FSTL5: variants seen among roughly 807,000 people sequenced by gnomAD.
The protein encoded by FSTL5 is follistatin like 5.
FSTL5 carries 62 observed loss-of-function variants against 89.1 expected under a neutral mutation model. The ratio of observed to expected loss-of-function variants is 0.70; its 90% CI spans 0.57 to 0.86. The LOEUF (loss-of-function observed/expected upper bound fraction) is 0.86. Ranked by LOEUF, FSTL5 falls within the 40% of genes least tolerant of loss-of-function variation. The pLI, the probability that FSTL5 is intolerant of heterozygous loss-of-function variation, is 0.00. For synonymous variants in FSTL5, 383 were observed against 346.2 expected (o/e 1.11, Z -1.18); for missense variants, 1,057 against 1,001.6 (o/e 1.06, Z -0.75).
At chr4:161,686,981 A>G (rs1261360124) in intron 6 of FSTL5, among the ~76,000 whole-genome samples, 1 of 152,276 alleles carries the variant, frequency 6.6e-6, no homozygotes, top group Admixed American at 6.5e-5. Context: ...TCCTGCCGAC[A>G]TTGCGTATTA....
At chr4:161,535,919 A>T (rs1731595138) in intron 10 of FSTL5, among the ~76,000 whole-genome samples, 1 of 152,150 alleles carries the variant, frequency 6.6e-6, no homozygotes, top group African/African-American at 2.4e-5. Flanking sequence ...AAGAAGAATG[A>T]AATCATAGTC....
chr4:162,054,922 T>C (rs1388281337), intron 2 of FSTL5, among the ~76,000 whole-genome samples: 1 of 151,886 alleles, frequency 6.6e-6, no homozygotes, highest in East Asian at 1.9e-4. Flanking sequence ...ACATAAGAAA[T>C]CATTTTTTCC....
intron 15 of FSTL5, among the ~76,000 whole-genome samples, chr4:161,433,638 T>A (rs1732458284): frequency 6.6e-6 from 1 of 152,134 alleles, no homozygotes; most frequent in Non-Finnish European, 1.5e-5. Flanking sequence ...ATGCAGATGA[T>A]ATAATCTTAT....
intron 7 of FSTL5, among the ~76,000 whole-genome samples, chr4:161,651,835 C>A (rs962088430): frequency 4.6e-5 from 7 of 152,122 alleles, no homozygotes; most frequent in Admixed American, 6.6e-5. Context: ...ATGGCTCCTG[C>A]AGTTTGGTGG....
intron 6 of FSTL5, among the ~76,000 whole-genome samples, chr4:161,667,798 C>T (rs529292780): frequency 2.0e-4 from 30 of 151,978 alleles, no homozygotes; most frequent in African/African-American, 6.0e-4. Context: ...TGAATGGGAA[C>T]ATTCTCAACA....
intron 10 of FSTL5, among the ~76,000 whole-genome samples, chr4:161,530,879 A>C (rs1280535307): frequency 6.6e-6 from 1 of 152,114 alleles, no homozygotes; most frequent in Non-Finnish European, 1.5e-5. Context: ...CTGGGAATTG[A>C]CTTCCCTTGG....
At chr4:161,921,578 T>C (rs554059832) in intron 3 of FSTL5, among the ~76,000 whole-genome samples, 74 of 152,240 alleles carry the variant, frequency 4.9e-4, no homozygotes, top group Middle Eastern at 3.4e-3. Context: ...ATGACACTTA[T>C]GTATTGCAAA....
At chr4:161,455,969 G>GT (rs1044265150) in intron 14 of FSTL5, among the ~76,000 whole-genome samples, 3 of 152,170 alleles carry the variant, frequency 2.0e-5, no homozygotes, top group Admixed American at 2.0e-4. Context: ...TTCTCCTTTG[G>GT]TTTTTATGAC....
chr4:161,971,642 A>C (rs1735487105), intron 3 of FSTL5, among the ~76,000 whole-genome samples: 1 of 152,182 alleles, frequency 6.6e-6, no homozygotes, highest in African/African-American at 2.4e-5. Context: ...TTAATTATTT[A>C]AAAACTATAA....
chr4:161,863,939 T>A (rs1050024757), intron 4 of FSTL5, among the ~76,000 whole-genome samples: 2 of 152,156 alleles, frequency 1.3e-5, no homozygotes, highest in Non-Finnish European at 2.9e-5. Context: ...AAAAAAATGG[T>A]GCTTGTTTGT....
intron 10 of FSTL5, among the ~76,000 whole-genome samples, chr4:161,518,852 G>T (rs75202677): frequency 0.011 from 1,690 of 152,248 alleles, 28 homozygotes; most frequent in African/African-American, 0.038. Context: ...GGCTGGGAGG[G>T]TTCTTGCTCA....
chr4:161,931,080 G>A (rs925404090), intron 3 of FSTL5, among the ~76,000 whole-genome samples: 21 of 151,922 alleles, frequency 1.4e-4, no homozygotes, highest in African/African-American at 2.2e-4. Context: ...CAATAGATGC[G>A]TAAAAGGATA....
intron 6 of FSTL5, among the ~76,000 whole-genome samples, chr4:161,704,742 C>T (rs12647746): frequency 6.6e-6 from 1 of 151,856 alleles, no homozygotes; most frequent in Non-Finnish European, 1.5e-5. Flanking sequence ...TTGCTTCACT[C>T]TATTTTCAGA....
chr4:161,387,211 A>G (rs1730677567), intron 15 of FSTL5: 1 of 152,102 alleles, frequency 6.6e-6, no homozygotes, highest in South Asian at 2.1e-4. Context: ...AATAAGTTAA[A>G]CAAGATACAA....
chr4:162,045,507 T>C (rs951307080), intron 2 of FSTL5, among the ~76,000 whole-genome samples: 2 of 152,094 alleles, frequency 1.3e-5, no homozygotes, highest in Non-Finnish European at 2.9e-5. Flanking sequence ...ATTATGTACC[T>C]GTAATAATTA....
At chr4:161,421,495 A>G (rs1731990880) in intron 15 of FSTL5, among the ~76,000 whole-genome samples, 2 of 152,160 alleles carry the variant, frequency 1.3e-5, no homozygotes, top group African/African-American at 2.4e-5. Context: ...TATTGCCTTC[A>G]TTTGGAGATT....
chr4:162,149,007 G>T (rs912752978), intron 1 of FSTL5, among the ~76,000 whole-genome samples: 1 of 152,142 alleles, frequency 6.6e-6, no homozygotes, highest in Non-Finnish European at 1.5e-5. Flanking sequence ...GAAAAATACT[G>T]CAAGGTCAAA....
chr4:161,733,251 T>C (rs1305040684), intron 6 of FSTL5, among the ~76,000 whole-genome samples: 1 of 152,002 alleles, frequency 6.6e-6, no homozygotes, highest in East Asian at 1.9e-4. Context: ...TGTAAACCTT[T>C]TTTGTGCTCT....
intron 7 of FSTL5, among the ~76,000 whole-genome samples, chr4:161,616,287 G>A (rs1422274587): frequency 6.6e-6 from 1 of 152,016 alleles, no homozygotes; most frequent in Non-Finnish European, 1.5e-5. Flanking sequence ...GTTTCACCAT[G>A]TTGGCCAGGC....
Sources: allele counts gnomAD v4.1 joint callset (sites outside exome capture counted in the v4.1 genomes callset), GRCh38; gene constraint gnomAD v4.1.1; transcripts MANE v1.5; gene names NCBI Gene and HGNC (gene_info 2026-07-23, HGNC 2026-07-21).